The following CCNJL variants were observed in gnomAD, a reference collection of about 807,000 sequenced individuals.
CCNJL encodes the protein cyclin-J-like protein.
In CCNJL, 33 loss-of-function variants were observed where a neutral mutation model predicts 33.4. The observed-to-expected ratio is 0.99, with a 90% CI of 0.75 to 1.32. CCNJL has a LOEUF of 1.32. CCNJL is among the 40% of genes most tolerant of loss of function. The pLI is 0.00. For synonymous variants in CCNJL, 227 were observed against 220.9 expected, an observed-to-expected ratio of 1.03 and a Z score of -0.24; for missense variants, 512 against 499.7, an observed-to-expected ratio of 1.02 and a Z score of -0.23.
chr5:160,311,781 C>T, intron 2 of CCNJL, 77 bp downstream of exon 2: 1 of 1,385,366 alleles, frequency 7.2e-7, no homozygotes, highest in Non-Finnish European at 1.0e-6. Flanking sequence ...CCCACGCAGG[C>T]GACCTGAGAA....
chr5:160,338,203 C>T (rs1261100375), intron 1 of CCNJL, among the ~76,000 whole-genome samples: 1 of 151,584 alleles, frequency 6.6e-6, no homozygotes, highest in Non-Finnish European at 1.5e-5. Flanking sequence ...TGGAAGCCAC[C>T]CTGGGTAACA....
intron 3 of CCNJL, among the ~76,000 whole-genome samples, chr5:160,260,626 G>A (rs1002157255): frequency 6.6e-6 from 1 of 152,140 alleles, no homozygotes; most frequent in Admixed American, 6.5e-5. Flanking sequence ...GCTGGTGGGG[G>A]GGCATGACAG....
intron 2 of CCNJL, among the ~76,000 whole-genome samples, chr5:160,291,015 T>C (rs1222648460): frequency 4.4e-4 from 24 of 55,146 alleles, no homozygotes; most frequent in African/African-American, 1.4e-3. Flanking sequence ...CTGGGCAACA[T>C]AGAAACACCC....
Position 160,301,210 on chromosome 5 carries a change from G to C in CCNJL, c.66+10648C>G, listed in dbSNP as rs747998549. ...ACGGAATACTAATCAGCAATAAAAAGAAATAAACTCCTGATAGACACAACG... is the reference window on the plus strand; with the variant it reads ...ACGGAATACTAATCAGCAATAAAAACAAATAAACTCCTGATAGACACAACG... On this transcript the variant is annotated intron_variant, in intron 2 of 5. Transcript: ENST00000257536. Among the ~76,000 whole-genome samples the C allele has an allele frequency of 3.9e-5, 6 of 152,222 alleles. No individual in the cohort carries two copies. The East Asian group carries it at 9.6e-4, about 24-fold the overall frequency.
At chr5:160,305,463 A>G (rs1225547246) in intron 2 of CCNJL, among the ~76,000 whole-genome samples, 1 of 152,218 alleles carries the variant, frequency 6.6e-6, no homozygotes, top group Non-Finnish European at 1.5e-5. Context: ...ACCAGGGCCA[A>G]ATAAAGGCGA....
chr5:160,320,996 T>TTCTCTCTC (rs138268750), intron 1 of CCNJL, among the ~76,000 whole-genome samples: 16 of 97,166 alleles, frequency 1.6e-4, no homozygotes, highest in South Asian at 4.1e-4. Context: ...CTTTCTTTCT[T>TTCTCTCTC]TCTCTCTCTC....
chr5:160,333,437 A>G (rs75649723), intron 1 of CCNJL, among the ~76,000 whole-genome samples: 4,125 of 151,916 alleles, frequency 0.027, 176 homozygotes, highest in African/African-American at 0.093. Context: ...AAATTTTTTT[A>G]AAAAGTAGCC....
At chr5:160,322,141 G>A (rs1351784775) in intron 1 of CCNJL, among the ~76,000 whole-genome samples, 4 of 152,184 alleles carry the variant, frequency 2.6e-5, no homozygotes, top group East Asian at 3.9e-4. Flanking sequence ...GATGTGAGGT[G>A]TAAGAGAAAG....
At chr5:160,311,782 G>A (rs1483243207) in intron 2 of CCNJL, 76 bp downstream of exon 2, 2 of 1,388,824 alleles carry the variant, frequency 1.4e-6, no homozygotes, top group East Asian at 2.3e-5. Context: ...CCACGCAGGC[G>A]ACCTGAGAAC....
At chr5:160,295,381 C>T (rs563543004) in intron 2 of CCNJL, among the ~76,000 whole-genome samples, 48 of 152,210 alleles carry the variant, frequency 3.2e-4, no homozygotes, top group African/African-American at 1.0e-3. Flanking sequence ...CCCAGCTACT[C>T]GGGAGGCTGA....
intron 1 of CCNJL, among the ~76,000 whole-genome samples, chr5:160,323,189 C>T (rs1172109328): frequency 1.4e-5 from 2 of 147,402 alleles, no homozygotes; most frequent in Admixed American, 6.8e-5. Context: ...GAGCTGAGAT[C>T]GTGACACTGC....
rs1003780227 is a variant in CCNJL at position 160,253,377 on chromosome 5, C to A, written c.*1G>T. 6.4e-7 allele frequency: 1 copy of A among 1,570,016 alleles called. No homozygotes were observed. Among genetic ancestry groups the A allele is most frequent in the South Asian group, 1.2e-5 (1 of 82,996 alleles). On this transcript the variant is annotated 3_prime_UTR_variant, in exon 6 of 6. Coordinates refer to ENST00000257536, the MANE Select transcript of CCNJL (RefSeq NM_001308173.3). ...GCTTCCTCGTGAGGTCTGGAGGTGGCCTATCTGTCAAAGCAGCCGGTGGGG... is the reference window on the plus strand; with the variant it reads ...GCTTCCTCGTGAGGTCTGGAGGTGGACTATCTGTCAAAGCAGCCGGTGGGG...
In CCNJL at chr5:160,253,550, T is replaced by G; in HGVS notation, c.992A>C (p.His331Pro). Residue 331 changes from histidine (H) to proline (P), a missense_variant, in exon 6 of 6, where the codon CAC becomes CCC. Physicochemically the swap from His to Pro is moderately conservative, Grantham distance 77 (BLOSUM62 -2). Coordinates refer to ENST00000257536, the MANE Select transcript of CCNJL (RefSeq NM_001308173.3). ...GGGCTGCAGCGGTTGGTACGGGGTG[T>G]GGAGGGATGAGCCTGTACTCCCCGA... is the stretch of plus-strand genomic sequence containing the variant. ...LLSGSTGSSLHTPYQPLQPLD... is the reference protein window; with the variant it reads ...LLSGSTGSSLPTPYQPLQPLD... The G allele has an allele frequency of 6.2e-7, 1 of 1,613,854 alleles. No homozygotes were observed. Among genetic ancestry groups the G allele is most frequent in the Non-Finnish European group, 8.5e-7 (1 of 1,179,964 alleles).
chr5:160,338,400 C>A, intron 1 of CCNJL, among the ~76,000 whole-genome samples: 1 of 143,400 alleles, frequency 7.0e-6, no homozygotes, highest in Non-Finnish European at 1.5e-5. Context: ...TCCCCCTCAA[C>A]TCCCCCACCC....
At position 160,280,580 on chromosome 5, in the gene CCNJL, G is replaced by A. The variant is rs1415449770; in HGVS notation, c.225C>T (p.Asn75=). Residue 75 remains asparagine (N), a synonymous_variant, in exon 3 of 6, where the codon AAC becomes AAT. Coordinates refer to ENST00000257536, the MANE Select transcript of CCNJL (RefSeq NM_001308173.3). The part of the protein sequence containing the change: ...YLLDHFMDRY[N]VTTSKQLYTV... Reference sequence around the variant, plus strand: ...TGTAGAGCTGCTTGGAGGTGGTGACGTTGTAGCGATCCATGAAGTGGTCCA... The same window carrying A: ...TGTAGAGCTGCTTGGAGGTGGTGACATTGTAGCGATCCATGAAGTGGTCCA... The A allele has an allele frequency of 7.4e-6, 12 of 1,612,700 alleles. No homozygotes were observed. The highest frequency in any genetic ancestry group is 5.4e-5 in the African/African-American group (4 of 74,704).
intron 3 of CCNJL, among the ~76,000 whole-genome samples, chr5:160,263,335 C>T (rs192496768): frequency 6.6e-6 from 1 of 152,336 alleles, no homozygotes; most frequent in East Asian, 1.9e-4. Context: ...ATTCAGTCCA[C>T]ATCTGACTTT....
intron 1 of CCNJL, among the ~76,000 whole-genome samples, chr5:160,327,874 A>G (rs1253086125): frequency 6.6e-6 from 1 of 151,280 alleles, no homozygotes; most frequent in Non-Finnish European, 1.5e-5. Context: ...AATTGTAAAC[A>G]AACAAAAACA....
chr5:160,255,482 G>A lies in CCNJL; in HGVS notation c.743+67C>T. ...AGACTCTGGAAACTGCCCGTGGCCTGAGGCAGGCCTCAAGGCAAGAGGAAC... is the reference window on the plus strand; with the variant it reads ...AGACTCTGGAAACTGCCCGTGGCCTAAGGCAGGCCTCAAGGCAAGAGGAAC... On this transcript the variant is annotated intron_variant, in intron 5 of 5. Transcript: ENST00000257536. 4.7e-6 allele frequency: 7 copies of A among 1,490,602 alleles called. No homozygotes were observed. The South Asian group carries it at 8.2e-5, about 17-fold the overall frequency. 92.3% of individuals were successfully genotyped at this position (1,490,602 alleles called of 1,614,324 possible). A position where few individuals can be genotyped will look rare whatever the true frequency, so the allele number is the denominator to read the frequency against.
At chr5:160,296,467 A>G (rs1394525544) in intron 2 of CCNJL, among the ~76,000 whole-genome samples, 1 of 152,214 alleles carries the variant, frequency 6.6e-6, no homozygotes, top group Non-Finnish European at 1.5e-5. Flanking sequence ...TATTGTCTAC[A>G]ACCTGTCAAA....
Sources: gnomAD v4.1 joint callset for allele counts (sites outside exome capture counted in the v4.1 genomes callset) on GRCh38, gnomAD v4.1.1 for gene constraint, MANE v1.5 for transcripts, NCBI Gene and HGNC (gene_info 2026-07-23, HGNC 2026-07-21) for gene names.